Variants in TTC23 observed in about 807,000 individuals in gnomAD.
TTC23 encodes the protein tetratricopeptide repeat domain 23.
Under a neutral mutation model 55.1 loss-of-function variants are expected in TTC23, and 58 were observed. The ratio of observed to expected loss-of-function variants is 1.05; its 90% CI spans 0.85 to 1.31. The LOEUF (loss-of-function observed/expected upper bound fraction) is 1.31, where lower values mean the gene tolerates loss of function less well. TTC23 is among the 50% of genes most tolerant of loss of function. The probability of loss-of-function intolerance (pLI) is 0.00; values close to 1 mark genes in which losing one functional copy is unlikely to be tolerated. For synonymous variants in TTC23, 203 were observed against 199.9 expected (o/e 1.02, Z -0.13); for missense variants, 516 against 534.4 (o/e 0.97, Z 0.34).
intron 4 of TTC23, among the ~76,000 whole-genome samples, chr15:99,231,728 G>A (rs1484968637): frequency 7.9e-5 from 12 of 152,018 alleles, no homozygotes; most frequent in African/African-American, 2.7e-4. Context: ...TCCTGACCTC[G>A]TGATCTGCCC....
At chr15:99,243,142 CA>C (rs1453379511) in intron 2 of TTC23, among the ~76,000 whole-genome samples, 1 of 151,968 alleles carries the variant, frequency 6.6e-6, no homozygotes, top group Non-Finnish European at 1.5e-5. Flanking sequence ...GGAGCTTAAA[CA>C]AAACCCAATA....
At chr15:99,213,030 C>T (rs1038953322) in intron 8 of TTC23, among the ~76,000 whole-genome samples, 6 of 148,926 alleles carry the variant, frequency 4.0e-5, no homozygotes, top group East Asian at 2.0e-4. Flanking sequence ...ATCCAATGAG[C>T]GCTGCCTGAG....
At chr15:99,197,103 T>C (rs2075784429) in intron 9 of TTC23, among the ~76,000 whole-genome samples, 1 of 150,486 alleles carries the variant, frequency 6.6e-6, no homozygotes. Flanking sequence ...TGGTTTCTGT[T>C]CTTTTTTTTT....
At chr15:99,174,299 C>T (rs2073281424) in intron 10 of TTC23, among the ~76,000 whole-genome samples, 1 of 152,206 alleles carries the variant, frequency 6.6e-6, no homozygotes, top group Admixed American at 6.5e-5. Context: ...TTTAGCCTGA[C>T]TTCTACTTCC....
intron 12 of TTC23, chr15:99,139,774 T>C (rs1555489378): frequency 7.7e-7 from 1 of 1,297,940 alleles, no homozygotes; most frequent in South Asian, 1.3e-5. Flanking sequence ...ATAGTTTTGT[T>C]TTTTTTGTAA....
chr15:99,188,162 G>A (rs947512953), intron 9 of TTC23, among the ~76,000 whole-genome samples: 1 of 152,042 alleles, frequency 6.6e-6, no homozygotes, highest in African/African-American at 2.4e-5. Context: ...ATTCCACCAT[G>A]AAAAGGAATG....
At chr15:99,202,024 A>G (rs1232468203) in intron 8 of TTC23, among the ~76,000 whole-genome samples, 3 of 152,180 alleles carry the variant, frequency 2.0e-5, no homozygotes, top group Non-Finnish European at 4.4e-5. Context: ...ATAAAGTTTT[A>G]TTGGCACAAT....
chr15:99,176,903 C>T (rs531456742), intron 9 of TTC23, among the ~76,000 whole-genome samples: 10 of 152,146 alleles, frequency 6.6e-5, no homozygotes, highest in Admixed American at 3.3e-4. Flanking sequence ...CCATTCCCCC[C>T]ACCCTAGCCA....
chr15:99,143,395 T>C (rs1377263956), intron 12 of TTC23, among the ~76,000 whole-genome samples: 3 of 152,232 alleles, frequency 2.0e-5, no homozygotes, highest in Non-Finnish European at 2.9e-5. Context: ...TAAATGTTAA[T>C]TGAACCTGCT....
intron 12 of TTC23, 109 bp from the exon 13 acceptor site, chr15:99,139,508 G>C: frequency 6.4e-7 from 1 of 1,561,260 alleles, no homozygotes; most frequent in Middle Eastern, 1.7e-4. Context: ...AGGCCCTGCT[G>C]TGATGGAATT....
At chr15:99,209,690 CAGAAG>C (rs2076886781) in intron 8 of TTC23, among the ~76,000 whole-genome samples, 1 of 152,094 alleles carries the variant, frequency 6.6e-6, no homozygotes, top group African/African-American at 2.4e-5. Flanking sequence ...AAGCCTGACA[CAGAAG>C]GTGGTCAATA....
chr15:99,139,370 T>C lies in TTC23; in HGVS notation c.1173A>G (p.Gly391=). The stretch of plus-strand genomic sequence containing the variant: ...TGGCCAGAGTCCTTTTGTCCTGCGG[T>C]CCATATAAGAGGGTCTGGATCTGGA... ...KCLQIQTLLY[G]PQDKRTLATQ... Residue 391 remains glycine, a synonymous_variant, in exon 13 of 14, where the codon GGA becomes GGG. Transcript: ENST00000394132. 1 of 1,614,078 alleles carries C rather than the reference T, an allele frequency of 6.2e-7. No individual in the cohort carries two copies. The highest frequency in any genetic ancestry group is 8.5e-7 in the Non-Finnish European group (1 of 1,180,028).
chr15:99,227,201 T>C (rs962152220), intron 5 of TTC23, among the ~76,000 whole-genome samples: 1 of 152,186 alleles, frequency 6.6e-6, no homozygotes, highest in African/African-American at 2.4e-5. Flanking sequence ...CTTTCTCCTG[T>C]ATTTGTTATA....
intron 3 of TTC23, among the ~76,000 whole-genome samples, chr15:99,238,745 T>C (rs998639197): frequency 6.6e-6 from 1 of 152,168 alleles, no homozygotes; most frequent in Non-Finnish European, 1.5e-5. Flanking sequence ...GGTGATCAAA[T>C]GAGTTGGTAA....
intron 5 of TTC23, among the ~76,000 whole-genome samples, chr15:99,222,363 C>G (rs1465501798): frequency 1.3e-5 from 2 of 152,156 alleles, no homozygotes; most frequent in Non-Finnish European, 2.9e-5. Flanking sequence ...TAGCCTCGAC[C>G]TCCAGGGGGC....
intron 8 of TTC23, among the ~76,000 whole-genome samples, chr15:99,210,689 A>C (rs2076974063): frequency 6.6e-6 from 1 of 152,232 alleles, no homozygotes; most frequent in Non-Finnish European, 1.5e-5. Context: ...GTAAGAACTA[A>C]AAATTTTTTT....
intron 11 of TTC23, among the ~76,000 whole-genome samples, chr15:99,156,710 T>C (rs532601575): frequency 1.3e-5 from 2 of 152,266 alleles, no homozygotes; most frequent in East Asian, 1.9e-4. Flanking sequence ...GTCCCTACCA[T>C]GACACATGGG....
At chr15:99,151,814 T>C (rs542096077) in intron 12 of TTC23, among the ~76,000 whole-genome samples, 2 of 152,324 alleles carry the variant, frequency 1.3e-5, no homozygotes, top group Admixed American at 6.5e-5. Flanking sequence ...TAGTATACAC[T>C]GTGCGATGCC....
At chr15:99,169,962 C>G (rs887719255) in intron 10 of TTC23, among the ~76,000 whole-genome samples, 1 of 152,232 alleles carries the variant, frequency 6.6e-6, no homozygotes, top group Admixed American at 6.5e-5. Flanking sequence ...CGCCTGCACT[C>G]AGCAGGCTCT....
Sources: gnomAD v4.1 joint callset for allele counts (sites outside exome capture counted in the v4.1 genomes callset) on GRCh38, gnomAD v4.1.1 for gene constraint, MANE v1.5 for transcripts, NCBI Gene and HGNC (gene_info 2026-07-23, HGNC 2026-07-21) for gene names.